Variants in STON1 observed in about 807,000 individuals in gnomAD.
STON1 encodes stonin 1.
A neutral mutation model predicts 60.9 loss-of-function variants in STON1; 79 were observed. The observed-to-expected ratio is 1.30, with a 90% CI of 1.08 to 1.56. The LOEUF is 1.56. STON1 is among the 40% of genes most tolerant of loss of function. The pLI, the probability that STON1 is intolerant of heterozygous loss-of-function variation, is 0.00. For missense variants in STON1, 1,166 were observed against 858.9 expected, an observed-to-expected ratio of 1.36 and a Z score of -4.47; for synonymous variants, 363 against 306.9, an observed-to-expected ratio of 1.18 and a Z score of -1.91.
In STON1 at chr2:48,566,546, G is replaced by A. The variant is rs145919985; in HGVS notation, c.-47-14041G>A. On this transcript the variant is annotated intron_variant, in intron 1 of 3. Coordinates refer to ENST00000404752, the MANE Select transcript of STON1 (RefSeq NM_006873.4). ...GATCCGCCCACCTCAGTCTCCCAAA[G>A]TGCTGAGATTACAGGCGTGAGCCAC... 6.6e-3 allele frequency among the ~76,000 whole-genome samples: 1,004 copies of A among 152,288 alleles called. 16 individuals carry two copies. The highest frequency in any genetic ancestry group is 0.023 in the African/African-American group (948 of 41,566).
chr2:48,563,748 C>G (rs1455245770), intron 1 of STON1, among the ~76,000 whole-genome samples: 1 of 151,684 alleles, frequency 6.6e-6, no homozygotes, highest in Non-Finnish European at 1.5e-5. Context: ...GGCTGGAGTG[C>G]AGTGGTGTGA....
At chr2:48,554,117 T>C (rs1672211310) in intron 1 of STON1, among the ~76,000 whole-genome samples, 1 of 152,226 alleles carries the variant, frequency 6.6e-6, no homozygotes, top group African/African-American at 2.4e-5. Context: ...GGGCTGCATC[T>C]GTTGGGAGCT....
chr2:48,531,820 G>A (rs1180360851), intron 1 of STON1: 1 of 152,154 alleles, frequency 6.6e-6, no homozygotes, highest in East Asian at 1.9e-4. Context: ...AACAATAAAT[G>A]TGGTTGTAAC....
In STON1 at chr2:48,582,454, G is replaced by T. The variant is rs3792234; in HGVS notation, c.1821G>T (p.Gln607His). The change falls in exon 2 of 4, where the codon CAG (glutamine) becomes CAT (histidine). Residue 607 changes from glutamine to histidine, a missense_variant. Physicochemically the swap from Gln to His is conservative, Grantham distance 24 (BLOSUM62 0). Coordinates refer to ENST00000404752, the MANE Select transcript of STON1 (RefSeq NM_006873.4). ...MNRRACLGSL[Q>H]ELESEPVIQV... Reference sequence around the variant, plus strand: ...GCCGAGCATGTCTGGGGAGTTTACAGGAACTTGAATCTGAACCTGTCATTC... The same window carrying T: ...GCCGAGCATGTCTGGGGAGTTTACATGAACTTGAATCTGAACCTGTCATTC... 789,055 of 1,614,008 alleles carry T rather than the reference G, an allele frequency of 0.49. 195,615 individuals carry two copies. The highest frequency in any genetic ancestry group is 0.5 in the Non-Finnish European group (595,070 of 1,179,994).
intron 1 of STON1, among the ~76,000 whole-genome samples, chr2:48,540,987 A>T (rs576507642): frequency 1.3e-5 from 2 of 152,320 alleles, no homozygotes; most frequent in East Asian, 1.9e-4. Context: ...GGATATTTCT[A>T]CCCAATCCGT....
chr2:48,543,562 T>A (rs1671746831), intron 1 of STON1, among the ~76,000 whole-genome samples: 1 of 148,228 alleles, frequency 6.7e-6, no homozygotes, highest in Non-Finnish European at 1.5e-5. Context: ...GCTGGAGTCT[T>A]GCTCTATCAC....
chr2:48,552,259 A>G (rs1672136668), intron 1 of STON1, among the ~76,000 whole-genome samples: 1 of 152,268 alleles, frequency 6.6e-6, no homozygotes, highest in African/African-American at 2.4e-5. Flanking sequence ...GAGGACACAT[A>G]CTGTATGATT....
chr2:48,572,331 A>C (rs1474692147), intron 1 of STON1, among the ~76,000 whole-genome samples: 1 of 152,242 alleles, frequency 6.6e-6, no homozygotes, highest in African/African-American at 2.4e-5. Flanking sequence ...ATTGGGCACC[A>C]TATGAAGTTC....
rs941561940 is a variant in STON1 at position 48,596,232 on chromosome 2, C to T, written c.*930C>T. ...GATTATTTTATACTAGTTCTGCTAT[C>T]ATGCTGTTTTATGCTAATTCTGCTT... is the stretch of plus-strand genomic sequence containing the variant. On this transcript the variant is annotated 3_prime_UTR_variant, in exon 4 of 4. Coordinates refer to ENST00000404752, the MANE Select transcript of STON1 (RefSeq NM_006873.4). The T allele has an allele frequency of 9.2e-5, 14 of 152,286 alleles. No homozygotes were observed. Among genetic ancestry groups the T allele is most frequent in the African/African-American group, 3.4e-4 (14 of 41,568 alleles). 9.4% of individuals were successfully genotyped at this position (152,286 alleles called of 1,614,324 possible). A position where few individuals can be genotyped will look rare whatever the true frequency, so the allele number is the denominator to read the frequency against.
At chr2:48,546,304 G>A (rs1273501725) in intron 1 of STON1, among the ~76,000 whole-genome samples, 1 of 152,212 alleles carries the variant, frequency 6.6e-6, no homozygotes, top group Non-Finnish European at 1.5e-5. Flanking sequence ...TGTGTCACCT[G>A]CATTAACTCC....
intron 1 of STON1, among the ~76,000 whole-genome samples, chr2:48,548,107 G>C (rs563591298): frequency 6.6e-6 from 1 of 152,306 alleles, no homozygotes; most frequent in South Asian, 2.1e-4. Context: ...CCTTAAAGTG[G>C]AGCTCCTTGA....
chr2:48,576,868 C>G (rs1370935125), intron 1 of STON1, among the ~76,000 whole-genome samples: 6 of 151,754 alleles, frequency 4.0e-5, no homozygotes, highest in Non-Finnish European at 5.9e-5. Context: ...TCCTGGCTAA[C>G]ACGGTGAAAC....
chr2:48,581,641 G>T lies in STON1; in HGVS notation c.1008G>T (p.Glu336Asp), dbSNP rs1351283129. 1.9e-6 allele frequency: 3 copies of T among 1,614,188 alleles called. No homozygotes were observed. Among genetic ancestry groups the T allele is most frequent in the Non-Finnish European group, 2.5e-6 (3 of 1,180,048 alleles). ...PYCRLSEPKV[E>D]NFSVAGKIHT... ...GTAGGCTTTCTGAACCCAAGGTTGA[G>T]AACTTCAGTGTAGCAGGAAAAATCC... is the stretch of plus-strand genomic sequence containing the variant. Residue 336 changes from glutamate (E) to aspartate (D), a missense_variant, in exon 2 of 4, where the codon GAG becomes GAT. Coordinates refer to ENST00000404752, the MANE Select transcript of STON1 (RefSeq NM_006873.4).
Position 48,580,803 on chromosome 2 carries a change from C to T in STON1, c.170C>T (p.Thr57Ile). 2 of 1,553,000 alleles carry T rather than the reference C, an allele frequency of 1.3e-6. No individual in the cohort carries two copies. The highest frequency in any genetic ancestry group is 4.0e-5 in the Admixed American group (2 of 50,452). Reference sequence around the variant, plus strand: ...GAATTTCCCAGTGGATCTTCCTCCACCAGCAGCACTCCTCTCTCCTCCCCC... The same window carrying T: ...GAATTTCCCAGTGGATCTTCCTCCATCAGCAGCACTCCTCTCTCCTCCCCC... The part of the protein sequence containing the change: ...LREFPSGSSS[T>I]SSTPLSSPIV... The change falls in exon 2 of 4, where the codon ACC becomes ATC. Residue 57 changes from threonine (T) to isoleucine (I), a missense_variant. Coordinates refer to ENST00000404752, the MANE Select transcript of STON1 (RefSeq NM_006873.4).
intron 1 of STON1, among the ~76,000 whole-genome samples, chr2:48,549,539 C>T (rs148869456): frequency 5.0e-4 from 76 of 152,148 alleles, no homozygotes; most frequent in African/African-American, 1.7e-3. Flanking sequence ...AGGCCGGGCG[C>T]GGTGGCTCAC....
chr2:48,535,474 G>GAT (rs1203464145), intron 1 of STON1, among the ~76,000 whole-genome samples: 2 of 152,074 alleles, frequency 1.3e-5, no homozygotes, highest in Non-Finnish European at 2.9e-5. Flanking sequence ...TTCTCTTTGT[G>GAT]GAAGGTACCT....
intron 1 of STON1, among the ~76,000 whole-genome samples, chr2:48,547,152 A>T (rs114132958): frequency 1.7e-3 from 262 of 152,350 alleles, no homozygotes; most frequent in Non-Finnish European, 3.0e-3. Flanking sequence ...CTTCTCAGCT[A>T]TGTTACTCCA....
intron 1 of STON1, among the ~76,000 whole-genome samples, chr2:48,534,864 C>T (rs549358837): frequency 6.6e-6 from 1 of 152,316 alleles, no homozygotes; most frequent in South Asian, 2.1e-4. Flanking sequence ...TCTCTTCCAG[C>T]TCCGCCAGTC....
chr2:48,559,839 C>T (rs1029150849), intron 1 of STON1, among the ~76,000 whole-genome samples: 2 of 152,112 alleles, frequency 1.3e-5, no homozygotes, highest in African/African-American at 2.4e-5. Context: ...ATGTGTGATA[C>T]AAGAATTTGT....
Sources: gnomAD v4.1 joint callset for allele counts (sites outside exome capture counted in the v4.1 genomes callset) on GRCh38, gnomAD v4.1.1 for gene constraint, MANE v1.5 for transcripts, NCBI Gene and HGNC (gene_info 2026-07-23, HGNC 2026-07-21) for gene names.